The following SELENOT variants were observed in gnomAD, a reference collection of about 807,000 sequenced individuals.
SELENOT encodes thioredoxin reductase-like selenoprotein T.
SELENOT carries 9 observed loss-of-function variants against 24.3 expected under a neutral mutation model. The ratio of observed to expected loss-of-function variants is 0.37; its 90% CI spans 0.22 to 0.65. The LOEUF is 0.65. Ranked by LOEUF, SELENOT falls within the 30% of genes least tolerant of loss-of-function variation. The pLI, the probability that SELENOT is intolerant of heterozygous loss-of-function variation, is 0.60. For synonymous variants in SELENOT, 81 were observed against 86.0 expected, an observed-to-expected ratio of 0.94 and a Z score of 0.32; for missense variants, 166 against 247.6, an observed-to-expected ratio of 0.67 and a Z score of 2.21.
chr3:150,605,856 A>G (rs1022022438), intron 1 of SELENOT, among the ~76,000 whole-genome samples: 6 of 152,248 alleles, frequency 3.9e-5, no homozygotes, highest in Non-Finnish European at 8.8e-5. Flanking sequence ...GATAAACATG[A>G]GAATTTTAAA....
intron 1 of SELENOT, 54 bp downstream of exon 1, chr3:150,603,553 T>C: frequency 6.6e-7 from 1 of 1,519,126 alleles, no homozygotes. Flanking sequence ...CTCGGCGCCA[T>C]TGGCTACGCG....
chr3:150,611,128 A>ATT, intron 1 of SELENOT: 1 of 579,070 alleles, frequency 1.7e-6, no homozygotes, highest in South Asian at 2.3e-5. Context: ...TTTCCAACTA[A>ATT]TTATTAGAGT....
rs1430492667 is a variant in SELENOT at position 150,603,372 on chromosome 3, C to T, written c.10C>T (p.Leu4=). 4.3e-6 allele frequency: 7 copies of T among 1,612,458 alleles called. No homozygotes were observed. The highest frequency in any genetic ancestry group is 1.1e-5 in the South Asian group (1 of 91,010). MRL[L]LLLLVAASAM... is the part of the protein sequence containing the mutation. ...GGCTGGCTCATTTAAGATGAGGCTT[C>T]TGCTGCTTCTCCTAGTGGCGGCGTC... The change falls in exon 1 of 6, where the codon CTG becomes TTG. Residue 4 remains leucine (L), a synonymous_variant. Transcript: ENST00000471696.
intron 4 of SELENOT, among the ~76,000 whole-genome samples, chr3:150,626,425 G>A (rs1040426344): frequency 2.6e-5 from 4 of 152,098 alleles, no homozygotes; most frequent in African/African-American, 7.2e-5. Context: ...GCTGCATTTA[G>A]GCTACAAGAG....
At chr3:150,620,114 C>T (rs1233343133) in intron 1 of SELENOT, among the ~76,000 whole-genome samples, 1 of 152,176 alleles carries the variant, frequency 6.6e-6, no homozygotes, top group Admixed American at 6.5e-5. Context: ...TAGATTTATG[C>T]TTCTAAACAC....
At chr3:150,620,625 A>AT (rs909362070) in intron 1 of SELENOT, among the ~76,000 whole-genome samples, 1 of 152,136 alleles carries the variant, frequency 6.6e-6, no homozygotes, top group Non-Finnish European at 1.5e-5. Context: ...TCTGGGTTTC[A>AT]TTTTTCCCCC....
At chr3:150,608,605 T>A (rs932317910) in intron 1 of SELENOT, among the ~76,000 whole-genome samples, 1 of 152,158 alleles carries the variant, frequency 6.6e-6, no homozygotes, top group Admixed American at 6.5e-5. Flanking sequence ...TTGTCTCTAA[T>A]TTTAAAAAAA....
chr3:150,603,407 C>G lies in SELENOT; in HGVS notation c.45C>G (p.Val15=), dbSNP rs773663814. ...TCCTAGTGGCGGCGTCTGCGATGGT[C>G]CGGAGCGAGGCCTCGGCCAATCTGG... ...LLLLVAASAM[V]RSEASANLGG... Residue 15 remains valine, a synonymous_variant, in exon 1 of 6, where the codon GTC becomes GTG. Coordinates refer to ENST00000471696, the MANE Select transcript of SELENOT (RefSeq NM_016275.5). 1 of 1,613,254 alleles carries G rather than the reference C, an allele frequency of 6.2e-7. No homozygotes were observed. Among genetic ancestry groups the G allele is most frequent in the South Asian group, 1.1e-5 (1 of 91,054 alleles).
chr3:150,626,775 AC>A (rs1726454653), intron 4 of SELENOT: 3 of 460,234 alleles, frequency 6.5e-6, no homozygotes, highest in Non-Finnish European at 1.2e-5. Flanking sequence ...CCCTCCTAGT[AC>A]AGTAGTGCCT....
intron 4 of SELENOT, among the ~76,000 whole-genome samples, chr3:150,625,413 A>T (rs1443620479): frequency 1.3e-5 from 2 of 152,250 alleles, no homozygotes; most frequent in East Asian, 3.9e-4. Context: ...TGCCCATGCC[A>T]GAAACCTATG....
At chr3:150,614,187 T>C (rs1407918361) in intron 1 of SELENOT, among the ~76,000 whole-genome samples, 1 of 152,184 alleles carries the variant, frequency 6.6e-6, no homozygotes, top group East Asian at 1.9e-4. Context: ...ATAAAACTTT[T>C]ATTCAAGTTA....
chr3:150,619,234 A>AG (rs1559897606), intron 1 of SELENOT, among the ~76,000 whole-genome samples: 1 of 150,764 alleles, frequency 6.6e-6, no homozygotes, highest in East Asian at 2.0e-4. Context: ...AAAAAAAAAA[A>AG]AAAAGATTTC....
chr3:150,613,177 A>G (rs960297029), intron 1 of SELENOT, among the ~76,000 whole-genome samples: 2 of 152,216 alleles, frequency 1.3e-5, no homozygotes, highest in Middle Eastern at 6.3e-3. Flanking sequence ...TGGGAAGTCC[A>G]CTGTCAAGGT....
chr3:150,628,546 A>T lies in SELENOT; in HGVS notation c.*917A>T, dbSNP rs1231999853. ...TAGGATCATTGAAACTCATCTCACT[A>T]AAGAAAGTTCACTTGAACCTCTTTA... On this transcript the variant is annotated 3_prime_UTR_variant, in exon 6 of 6. Transcript: ENST00000471696. 3 of 152,232 alleles carry T rather than the reference A, an allele frequency of 2.0e-5. No homozygotes were observed. Among genetic ancestry groups the T allele is most frequent in the Non-Finnish European group, 4.4e-5 (3 of 68,006 alleles). The allele number at this position is 152,232 out of a possible 1,614,324, so 9.4% of individuals were successfully genotyped here. A position where few individuals can be genotyped will look rare whatever the true frequency, so the allele number is the denominator to read the frequency against.
intron 3 of SELENOT, 149 bp from the exon 4 acceptor site, chr3:150,624,663 A>C (rs1199133866): frequency 2.2e-6 from 1 of 455,262 alleles, no homozygotes; most frequent in African/African-American, 2.0e-5. Flanking sequence ...TGGAGCTGCA[A>C]ATTAATATTG....
At chr3:150,609,582 T>C (rs1726037994) in intron 1 of SELENOT, among the ~76,000 whole-genome samples, 1 of 152,168 alleles carries the variant, frequency 6.6e-6, no homozygotes, top group South Asian at 2.1e-4. Context: ...ACTCCTGGGC[T>C]CAAGCAGTCC....
chr3:150,626,059 CAG>C (rs892467385), intron 4 of SELENOT, among the ~76,000 whole-genome samples: 10 of 152,166 alleles, frequency 6.6e-5, no homozygotes, highest in African/African-American at 1.9e-4. Flanking sequence ...TTAGTAGAGA[CAG>C]AGTTTCACCC....
rs541986839 is a variant in SELENOT, at chr3:150,606,287, C to T, written c.137+2788C>T. Among the ~76,000 whole-genome samples the T allele has an allele frequency of 1.3e-4, 19 of 151,478 alleles. No individual in the cohort carries two copies. The South Asian group carries it at 2.7e-3, about 22-fold the overall frequency. On this transcript the variant is annotated intron_variant, in intron 1 of 5. Transcript: ENST00000471696. ...CCTCCCAAGTAGCTGGGACTGCAGA[C>T]GCGCACCACCACGCCTGGCTAATTT...
intron 4 of SELENOT, 24 bp from the exon 5 acceptor site, chr3:150,626,986 G>T (rs1286490089): frequency 3.1e-6 from 5 of 1,604,124 alleles, no homozygotes; most frequent in Non-Finnish European, 4.3e-6. Flanking sequence ...ATTTTTTGGG[G>T]GGCGGTGCCA....
Sources: gnomAD v4.1 joint callset for allele counts (sites outside exome capture counted in the v4.1 genomes callset) on GRCh38, gnomAD v4.1.1 for gene constraint, MANE v1.5 for transcripts, NCBI Gene and HGNC (gene_info 2026-07-23, HGNC 2026-07-21) for gene names.